Variants in GALM observed in about 807,000 individuals in gnomAD.
GALM encodes the protein galactose mutarotase.
GALM carries 43 observed loss-of-function variants against 37.4 expected under a neutral mutation model. The observed-to-expected ratio is 1.15, with a 90% confidence interval of 0.90 to 1.48. The LOEUF is 1.48. Ranked by LOEUF, GALM falls within the 40% of genes most tolerant of loss-of-function variation. GALM has a pLI of 0.00. For synonymous variants in GALM, 199 were observed against 170.6 expected (o/e 1.17, Z -1.30); for missense variants, 456 against 419.1 (o/e 1.09, Z -0.77).
intron 3 of GALM, among the ~76,000 whole-genome samples, chr2:38,681,924 T>A (rs150740390): frequency 6.6e-6 from 1 of 152,330 alleles, no homozygotes; most frequent in East Asian, 1.9e-4. Flanking sequence ...GCCTGCCAGC[T>A]CCTCCCAGGG....
At chr2:38,706,882 C>CGG (rs372785609) in intron 4 of GALM, among the ~76,000 whole-genome samples, 2 of 12,782 alleles carry the variant, frequency 1.6e-4, no homozygotes, top group Admixed American at 6.0e-4. Context: ...AAAAGGGGGG[C>CGG]GGGGGGGTCG....
intron 3 of GALM, chr2:38,682,398 G>A (rs1665419319): frequency 3.6e-6 from 1 of 279,794 alleles, no homozygotes; most frequent in Non-Finnish European, 8.1e-6. Flanking sequence ...CCGCAAGATG[G>A]TGTTCACAGT....
chr2:38,695,215 A>C (rs1219913541), intron 4 of GALM, among the ~76,000 whole-genome samples: 1 of 152,116 alleles, frequency 6.6e-6, no homozygotes, highest in African/African-American at 2.4e-5. Context: ...TGAGCCCAAG[A>C]CTTTGAGACC....
intron 4 of GALM, among the ~76,000 whole-genome samples, chr2:38,714,582 A>T (rs1666233204): frequency 6.6e-6 from 1 of 152,188 alleles, no homozygotes; most frequent in South Asian, 2.1e-4. Flanking sequence ...GAAAAAGGCA[A>T]TATAATAATT....
At chr2:38,680,933 C>T (rs1388920874) in intron 2 of GALM, among the ~76,000 whole-genome samples, 5 of 151,972 alleles carry the variant, frequency 3.3e-5, no homozygotes, top group South Asian at 2.1e-4. Flanking sequence ...GTCAGGAGTT[C>T]GAGACCAGCC....
intron 4 of GALM, among the ~76,000 whole-genome samples, chr2:38,701,510 C>T (rs1329933891): frequency 6.6e-6 from 1 of 152,148 alleles, no homozygotes; most frequent in Non-Finnish European, 1.5e-5. Flanking sequence ...GTCCCCCAGC[C>T]CATCTGTGTT....
chr2:38,709,646 A>G (rs1239332256), intron 4 of GALM, among the ~76,000 whole-genome samples: 1 of 152,190 alleles, frequency 6.6e-6, no homozygotes, highest in Non-Finnish European at 1.5e-5. Context: ...AACCTGCAGC[A>G]TAGACAAGCT....
At chr2:38,667,313 T>C (rs2148421399) in intron 1 of GALM, among the ~76,000 whole-genome samples, 1 of 152,228 alleles carries the variant, frequency 6.6e-6, no homozygotes. Flanking sequence ...TTCTGTCTGT[T>C]TGGTTCTTCC....
intron 4 of GALM, among the ~76,000 whole-genome samples, chr2:38,692,645 C>T (rs530055034): frequency 2.9e-4 from 44 of 152,278 alleles, no homozygotes; most frequent in Middle Eastern, 6.8e-3. Context: ...AGAAGTGCTG[C>T]TGGGCTCTCT....
intron 4 of GALM, among the ~76,000 whole-genome samples, chr2:38,714,540 C>G (rs1010601579): frequency 6.6e-6 from 1 of 152,082 alleles, no homozygotes; most frequent in African/African-American, 2.4e-5. Context: ...AGGGTGTAAC[C>G]CACTTGGCTC....
chr2:38,669,484 T>G (rs1259896904), intron 1 of GALM: 1 of 152,382 alleles, frequency 6.6e-6, no homozygotes, highest in Non-Finnish European at 1.5e-5. Flanking sequence ...CAAGTCTGCC[T>G]TCTTCAATCC....
rs1481708959 is a variant in GALM, at chr2:38,675,540, TTTTTGTGTGTGTGTGTGTGTG to T, written c.191-370_191-350del. Among the ~76,000 whole-genome samples, 832 of 93,204 alleles carry T rather than the reference TTTTTGTGTGTGTGTGTGTGTG, an allele frequency of 8.9e-3. 12 individuals are homozygous for T. Among genetic ancestry groups the T allele is most frequent in the African/African-American group, 0.038 (781 of 20,472 alleles). The allele number at this position is 93,204 out of a possible 152,430, so 61.1% of individuals were successfully genotyped here. A position where few individuals can be genotyped will look rare whatever the true frequency, so the allele number is the denominator to read the frequency against. ...AGGGTTTTTTTGTTTTTTTTTTTTT[TTTTTGTGTGTGTGTGTGTGTG>T]TGTGTGTGTGTGTGTGTGTGTGTGT... is the stretch of plus-strand genomic sequence containing the variant. On this transcript the variant is annotated intron_variant, in intron 1 of 6. Coordinates refer to ENST00000272252, the MANE Select transcript of GALM (RefSeq NM_138801.3).
intron 3 of GALM, among the ~76,000 whole-genome samples, chr2:38,685,518 C>T (rs1665497756): frequency 6.6e-6 from 1 of 152,152 alleles, no homozygotes; most frequent in Non-Finnish European, 1.5e-5. Flanking sequence ...AAACAGGTAG[C>T]AGCCAAGCAA....
intron 3 of GALM, chr2:38,682,173 A>G: frequency 2.7e-6 from 1 of 371,604 alleles, no homozygotes; most frequent in Non-Finnish European, 5.8e-6. Context: ...CCCACATAAG[A>G]GTGGTGTAGA....
At chr2:38,702,073 T>C (rs1665932146) in intron 4 of GALM, among the ~76,000 whole-genome samples, 1 of 152,130 alleles carries the variant, frequency 6.6e-6, no homozygotes, top group African/African-American at 2.4e-5. Flanking sequence ...TGTGCTGCTT[T>C]AGACTATCTT....
rs541908275 is a variant in GALM, at chr2:38,679,987, C to T, written c.346-1293C>T. ...CTATGTTAATCCAAGATTCCAATTC[C>T]TATTTCCAAAAGCAAAATGCCTTTT... is the stretch of plus-strand genomic sequence containing the variant. On this transcript the variant is annotated intron_variant, in intron 2 of 6. Transcript: ENST00000272252. 4 of 449,006 alleles carry T rather than the reference C, an allele frequency of 8.9e-6. No individual in the cohort carries two copies. In the East Asian group the frequency reaches 2.8e-4, roughly 32 times the overall value. 27.8% of individuals were successfully genotyped at this position (449,006 alleles called of 1,614,324 possible).
rs564069478 is a variant in GALM, at chr2:38,710,424, G to A, written c.635-19132G>A. Reference sequence around the variant, plus strand: ...GTCAAAAAGGCCTTCCTGTATTGAGGTGAGATCTGTCTACCTAGGGCTCAC... The same window carrying A: ...GTCAAAAAGGCCTTCCTGTATTGAGATGAGATCTGTCTACCTAGGGCTCAC... On this transcript the variant is annotated intron_variant, in intron 4 of 6. Coordinates refer to ENST00000272252, the MANE Select transcript of GALM (RefSeq NM_138801.3). 9.8e-5 allele frequency among the ~76,000 whole-genome samples: 15 copies of A among 152,308 alleles called. 1 individual carries two copies. In the East Asian group the frequency reaches 2.1e-3, roughly 22 times the overall value.
chr2:38,720,456 AAGG>A (rs1157315857), intron 4 of GALM, among the ~76,000 whole-genome samples: 2 of 149,152 alleles, frequency 1.3e-5, no homozygotes, highest in African/African-American at 2.5e-5. Context: ...GGGTGGGGGC[AAGG>A]AGGAGCCAGG....
At chr2:38,691,242 G>A (rs1286443660) in intron 4 of GALM, among the ~76,000 whole-genome samples, 1 of 152,150 alleles carries the variant, frequency 6.6e-6, no homozygotes, top group African/African-American at 2.4e-5. Context: ...CATGCTATCC[G>A]GTTGAGTTGA....
Sources: allele counts gnomAD v4.1 joint callset (sites outside exome capture counted in the v4.1 genomes callset), GRCh38; gene constraint gnomAD v4.1.1; transcripts MANE v1.5; gene names NCBI Gene and HGNC (gene_info 2026-07-23, HGNC 2026-07-21).